Variants in SPNS3 observed in about 807,000 individuals in gnomAD.
The protein encoded by SPNS3 is SPNS lysolipid transporter 3, sphingosine-1-phosphate (putative), also known as protein spinster homolog 3.
A neutral mutation model predicts 54.4 loss-of-function variants in SPNS3; 51 were observed. The ratio of observed to expected loss-of-function variants is 0.94; its 90% CI spans 0.75 to 1.18. SPNS3 has a LOEUF of 1.18. Ranked by LOEUF, SPNS3 falls within the 50% of genes most tolerant of loss-of-function variation. SPNS3 has a pLI of 0.00. For synonymous variants in SPNS3, 309 were observed against 294.7 expected (o/e 1.05, Z -0.50); for missense variants, 669 against 677.4 (o/e 0.99, Z 0.14).
chr17:4,479,143 T>C (rs972932489), intron 9 of SPNS3, among the ~76,000 whole-genome samples: 3 of 152,140 alleles, frequency 2.0e-5, no homozygotes, highest in South Asian at 2.1e-4. Context: ...GGTTTCACCA[T>C]ATTGGCGAGG....
intron 8 of SPNS3, among the ~76,000 whole-genome samples, chr17:4,475,854 G>A (rs1002346246): frequency 6.6e-6 from 1 of 152,188 alleles, no homozygotes; most frequent in Non-Finnish European, 1.5e-5. Context: ...GGTTTGAACT[G>A]CTCATGGAAG....
intron 8 of SPNS3, among the ~76,000 whole-genome samples, chr17:4,460,137 C>T (rs1971457348): frequency 6.6e-6 from 1 of 152,050 alleles, no homozygotes; most frequent in Non-Finnish European, 1.5e-5. Flanking sequence ...AACAAGGCGG[C>T]TACTGTGATT....
intron 7 of SPNS3, among the ~76,000 whole-genome samples, chr17:4,451,646 C>T (rs1971169468): frequency 6.6e-6 from 1 of 151,506 alleles, no homozygotes; most frequent in Non-Finnish European, 1.5e-5. Flanking sequence ...CTCAGCGTTC[C>T]CTTTGAGCTC....
At chr17:4,438,421 C>G (rs1358423633) in intron 1 of SPNS3, among the ~76,000 whole-genome samples, 2 of 152,212 alleles carry the variant, frequency 1.3e-5, no homozygotes, top group African/African-American at 4.8e-5. Context: ...CACCTCCTGA[C>G]TGATGAAAGT....
rs781684416 is a variant in SPNS3 at position 4,446,881 on chromosome 17, G to A, written c.555-15G>A. ...CCTCCCCTCACAGCCCATCGCCCCTGCCCCTTTGTTGCAGTGGTCTGGGCT... is the reference window on the plus strand; with the variant it reads ...CCTCCCCTCACAGCCCATCGCCCCTACCCCTTTGTTGCAGTGGTCTGGGCT... On this transcript the variant is annotated splice_polypyrimidine_tract_variant and intron_variant, in intron 4 of 11. Transcript: ENST00000355530. 9.9e-6 allele frequency: 16 copies of A among 1,613,444 alleles called. No homozygotes were observed. In the East Asian group the frequency reaches 3.3e-4, roughly 34 times the overall value.
At chr17:4,446,240 T>A in intron 4 of SPNS3, 41 bp downstream of exon 4, 1 of 1,577,468 alleles carries the variant, frequency 6.3e-7, no homozygotes, top group South Asian at 1.1e-5. Context: ...GGTGGTAAAC[T>A]GAGGCCCAAA....
intron 4 of SPNS3, 88 bp from the exon 5 acceptor site, chr17:4,446,808 G>T (rs1971001445): frequency 3.1e-6 from 4 of 1,288,202 alleles, no homozygotes; most frequent in African/African-American, 2.9e-5. Context: ...CTGGGGCGTG[G>T]GGGGGGCACC....
rs1433823909 is a variant in SPNS3, at chr17:4,449,358, C to T, written c.894C>T (p.Cys298=). 3 of 1,606,444 alleles carry T rather than the reference C, an allele frequency of 1.9e-6. No homozygotes were observed. The highest frequency in any genetic ancestry group is 2.5e-6 in the Non-Finnish European group (3 of 1,178,962). Residue 298 remains cysteine (C), a synonymous_variant, in exon 7 of 12, where the codon TGC becomes TGT. Coordinates refer to ENST00000355530, the MANE Select transcript of SPNS3 (RefSeq NM_182538.5). ...ARVVHGLQPP[C]FQEPCSNPDS... Reference sequence around the variant, plus strand: ...TGGTTCACGGGCTGCAGCCTCCCTGCTTCCAGGAGCCGTGCAGCAACCCCG... The same window carrying T: ...TGGTTCACGGGCTGCAGCCTCCCTGTTTCCAGGAGCCGTGCAGCAACCCCG...
intron 1 of SPNS3, among the ~76,000 whole-genome samples, chr17:4,435,922 A>C (rs573283240): frequency 1.6e-4 from 25 of 152,190 alleles, no homozygotes; most frequent in African/African-American, 5.8e-4. Context: ...ACAGAGCGAG[A>C]CTCCGTCTCA....
intron 8 of SPNS3, among the ~76,000 whole-genome samples, chr17:4,454,610 C>CTTTT (rs55918406): frequency 3.4e-4 from 26 of 76,388 alleles, no homozygotes; most frequent in African/African-American, 8.6e-4. Context: ...CCAAATAAAG[C>CTTTT]TTTTTTTTTT....
At chr17:4,470,543 C>T (rs1367375198) in intron 8 of SPNS3, among the ~76,000 whole-genome samples, 1 of 152,156 alleles carries the variant, frequency 6.6e-6, no homozygotes, top group Non-Finnish European at 1.5e-5. Flanking sequence ...AGTTTTAGAA[C>T]ATTTTGCTCA....
At chr17:4,446,820 T>A in intron 4 of SPNS3, 76 bp from the exon 5 acceptor site, 1 of 1,420,176 alleles carries the variant, frequency 7.0e-7, no homozygotes, top group South Asian at 1.1e-5. Context: ...GGGGGCACCC[T>A]GGGTCAGGCT....
chr17:4,487,600 G>C (rs773634919), intron 11 of SPNS3, among the ~76,000 whole-genome samples: 1 of 152,264 alleles, frequency 6.6e-6, no homozygotes, highest in African/African-American at 2.4e-5. Context: ...TGTTGAGGCC[G>C]AGAGGCATAG....
chr17:4,442,366 C>G (rs1374790785), intron 2 of SPNS3, among the ~76,000 whole-genome samples: 5 of 152,030 alleles, frequency 3.3e-5, no homozygotes, highest in Non-Finnish European at 7.4e-5. Context: ...AACCTCGTCT[C>G]TACTAAAAAT....
intron 5 of SPNS3, 41 bp from the exon 6 acceptor site, chr17:4,448,114 T>A (rs549112982): frequency 1.3e-6 from 2 of 1,533,322 alleles, no homozygotes; most frequent in Admixed American, 4.7e-5. Context: ...TGGGCTGTGA[T>A]AATATGCGGC....
At chr17:4,482,983 G>C (rs1246275681) in intron 9 of SPNS3, among the ~76,000 whole-genome samples, 3 of 152,186 alleles carry the variant, frequency 2.0e-5, no homozygotes, top group Non-Finnish European at 4.4e-5. Flanking sequence ...CTGGAATCCA[G>C]CCACAGGCTC....
chr17:4,479,418 G>A (rs1972098356), intron 9 of SPNS3, among the ~76,000 whole-genome samples: 1 of 152,252 alleles, frequency 6.6e-6, no homozygotes, highest in African/African-American at 2.4e-5. Context: ...CTGCCTGTAA[G>A]AGGCCTGACA....
At chr17:4,472,685 T>C (rs897135548) in intron 8 of SPNS3, among the ~76,000 whole-genome samples, 40 of 151,132 alleles carry the variant, frequency 2.6e-4, no homozygotes, top group African/African-American at 9.7e-4. Flanking sequence ...TCTCCAGATA[T>C]GGGGGTTTTA....
At chr17:4,447,712 G>A (rs973604947) in intron 5 of SPNS3, among the ~76,000 whole-genome samples, 3 of 152,254 alleles carry the variant, frequency 2.0e-5, no homozygotes, top group East Asian at 1.9e-4. Context: ...TGAGATCCCC[G>A]TCCTTGGGGT....
Sources: allele counts gnomAD v4.1 joint callset (sites outside exome capture counted in the v4.1 genomes callset), GRCh38; gene constraint gnomAD v4.1.1; transcripts MANE v1.5; gene names NCBI Gene and HGNC (gene_info 2026-07-23, HGNC 2026-07-21).